The following USP15 variants were observed in gnomAD, a reference collection of about 807,000 sequenced individuals.
The protein encoded by USP15 is ubiquitin specific peptidase 15, also known as ubiquitin carboxyl-terminal hydrolase 15.
Under a neutral mutation model 127.1 loss-of-function variants are expected in USP15, and 18 were observed. The ratio of observed to expected loss-of-function variants is 0.14; its 90% confidence interval spans 0.10 to 0.21. USP15 has a LOEUF of 0.21. USP15 is among the 10% of genes least tolerant of loss of function. USP15 has a pLI of 1.00. For synonymous variants in USP15, 364 were observed against 393.7 expected (o/e 0.92, Z 0.89); for missense variants, 805 against 1,159.9 (o/e 0.69, Z 4.44).
intron 6 of USP15, among the ~76,000 whole-genome samples, chr12:62,337,986 G>T (rs1427801164): frequency 6.6e-6 from 1 of 152,076 alleles, no homozygotes; most frequent in Non-Finnish European, 1.5e-5. Flanking sequence ...AATCCTTTGG[G>T]TATATACCTA....
At chr12:62,374,904 C>T (rs1159971553) in intron 8 of USP15, among the ~76,000 whole-genome samples, 1 of 151,932 alleles carries the variant, frequency 6.6e-6, no homozygotes, top group African/African-American at 2.4e-5. Flanking sequence ...TCATATTTTG[C>T]ATAATATTTC....
intron 6 of USP15, among the ~76,000 whole-genome samples, chr12:62,326,536 G>C (rs1393322254): frequency 1.8e-5 from 2 of 109,376 alleles, no homozygotes; most frequent in Non-Finnish European, 3.7e-5. Flanking sequence ...TAATGTTTCT[G>C]TTTCTGCAAA....
At chr12:62,374,241 T>C (rs2066758246) in intron 8 of USP15, 1 of 258,412 alleles carries the variant, frequency 3.9e-6, no homozygotes, top group Non-Finnish European at 6.0e-6. Context: ...TAGAATGGGC[T>C]TTTATTTTTA....
chr12:62,330,547 C>G (rs1468269895), intron 6 of USP15, among the ~76,000 whole-genome samples: 1 of 148,216 alleles, frequency 6.7e-6, no homozygotes, highest in Non-Finnish European at 1.5e-5. Context: ...GATCACACCA[C>G]TACACCCCAG....
chr12:62,362,849 G>A (rs2066359059), intron 8 of USP15, among the ~76,000 whole-genome samples: 1 of 152,120 alleles, frequency 6.6e-6, no homozygotes, highest in African/African-American at 2.4e-5. Flanking sequence ...ACAGGAACTT[G>A]GAGAGCACCT....
chr12:62,263,916 G>A (rs1304034039), intron 1 of USP15, among the ~76,000 whole-genome samples: 2 of 152,160 alleles, frequency 1.3e-5, no homozygotes, highest in African/African-American at 4.8e-5. Context: ...GTACATATGA[G>A]TATTTTAGGA....
chr12:62,336,574 A>G (rs1296238696), intron 6 of USP15: 2 of 806,938 alleles, frequency 2.5e-6, no homozygotes, highest in East Asian at 2.5e-4. Flanking sequence ...CATATTCGAA[A>G]TTGAAATAAG....
intron 8 of USP15, among the ~76,000 whole-genome samples, chr12:62,371,346 G>C (rs1394580652): frequency 6.6e-6 from 1 of 152,110 alleles, no homozygotes; most frequent in East Asian, 1.9e-4. Context: ...TATGTGGTGA[G>C]AATTGTGAAA....
At chr12:62,282,906 T>A (rs1401300330) in intron 1 of USP15, among the ~76,000 whole-genome samples, 1 of 152,240 alleles carries the variant, frequency 6.6e-6, no homozygotes, top group Non-Finnish European at 1.5e-5. Context: ...ATTTCTATAC[T>A]TTTCCACAAA....
intron 6 of USP15, among the ~76,000 whole-genome samples, chr12:62,342,343 A>T (rs563963676): frequency 6.6e-6 from 1 of 152,104 alleles, no homozygotes; most frequent in African/African-American, 2.4e-5. Context: ...GCTTCCTTGC[A>T]TTGGGTTAGA....
intron 6 of USP15, among the ~76,000 whole-genome samples, chr12:62,337,493 TG>T (rs2065506737): frequency 6.6e-6 from 1 of 152,172 alleles, no homozygotes; most frequent in African/African-American, 2.4e-5. Context: ...TTTTAAGTTC[TG>T]GGATACACGT....
At chr12:62,402,021 A>G (rs1390853) in intron 21 of USP15, among the ~76,000 whole-genome samples, 52,498 of 151,228 alleles carry the variant, frequency 0.35, 10,710 homozygotes, top group East Asian at 0.46. Context: ...AATTAACCAC[A>G]TTTTTTGTTT....
chr12:62,303,183 A>G (rs1478492005), intron 3 of USP15: 2 of 236,528 alleles, frequency 8.5e-6, no homozygotes, highest in Non-Finnish European at 1.6e-5. Flanking sequence ...AATGAGGATA[A>G]AAAGTTAGGA....
chr12:62,342,508 C>T (rs944360761), intron 6 of USP15, among the ~76,000 whole-genome samples: 4 of 152,130 alleles, frequency 2.6e-5, no homozygotes, highest in African/African-American at 7.2e-5. Flanking sequence ...GAATTTTCAG[C>T]GTTTTTGTGC....
In USP15 at chr12:62,404,582, C is replaced by T. The variant is rs1706109628; in HGVS notation, c.*207C>T. On this transcript the variant is annotated 3_prime_UTR_variant, in exon 22 of 22. Coordinates refer to ENST00000280377, the MANE Select transcript of USP15 (RefSeq NM_001252078.2). Reference sequence around the variant, plus strand: ...CAGAAATTGTCTCTTAATACATTTACAGTCTTGTATTTACAAGCTAAATAT... The same window carrying T: ...CAGAAATTGTCTCTTAATACATTTATAGTCTTGTATTTACAAGCTAAATAT... The T allele has an allele frequency of 7.8e-6, 4 of 509,950 alleles. No individual in the cohort carries two copies. In the South Asian group the frequency reaches 2.4e-4, roughly 31 times the overall value. 31.6% of individuals were successfully genotyped at this position (509,950 alleles called of 1,614,324 possible).
At position 62,379,574 on chromosome 12, in the gene USP15, G is replaced by A. The variant is rs191194011; in HGVS notation, c.916-1916G>A. Among the ~76,000 whole-genome samples, 356 of 152,208 alleles carry A rather than the reference G, an allele frequency of 2.3e-3. 1 individual carries two copies. The highest frequency in any genetic ancestry group is 0.011 in the Admixed American group (165 of 15,272). On this transcript the variant is annotated intron_variant, in intron 8 of 21. Transcript: ENST00000280377. ...TATAACAAAGTTTAAGAATTACTCA[G>A]GTTTGTGCAACTTGGTTCTTTTGAG...
intron 8 of USP15, among the ~76,000 whole-genome samples, chr12:62,372,249 A>G (rs924002284): frequency 6.6e-6 from 1 of 152,070 alleles, no homozygotes; most frequent in Admixed American, 6.6e-5. Context: ...CTACCTATAT[A>G]TGTATAATAA....
In USP15 at chr12:62,355,381, A is replaced by G; in HGVS notation, c.821A>G (p.Tyr274Cys). ...CLPSYTAYKN[Y>C]DYSEPGRNNE... is the part of the protein sequence containing the mutation. ...CCATCATATACCGCTTATAAGAACT[A>G]TGATTATTCGGAACCTGGAAGAAAC... Residue 274 changes from tyrosine (Y) to cysteine (C), a missense_variant, in exon 8 of 22, where the codon TAT becomes TGT. Around this residue, in one of 11 missense-constraint regions of USP15, gnomAD observed 84 missense variants for 107.7 expected, o/e 0.78. Coordinates refer to ENST00000280377, the MANE Select transcript of USP15 (RefSeq NM_001252078.2). 1 of 1,611,600 alleles carries G rather than the reference A, an allele frequency of 6.2e-7. No individual in the cohort carries two copies. Among genetic ancestry groups the G allele is most frequent in the Non-Finnish European group, 8.5e-7 (1 of 1,178,504 alleles).
chr12:62,299,729 T>G (rs1247333990), intron 2 of USP15, among the ~76,000 whole-genome samples: 1 of 152,220 alleles, frequency 6.6e-6, no homozygotes, highest in African/African-American at 2.4e-5. Context: ...TTAACTATTT[T>G]AGGAACTCTT....
Sources: allele counts gnomAD v4.1 joint callset (sites outside exome capture counted in the v4.1 genomes callset), GRCh38; gene constraint gnomAD v4.1.1; regional missense constraint gnomAD v4.1.1; transcripts MANE v1.5; gene names NCBI Gene and HGNC (gene_info 2026-07-23, HGNC 2026-07-21).